The following TULP4 variants were observed in gnomAD, a reference collection of about 807,000 sequenced individuals.
The protein encoded by TULP4 is TUB like protein 4, also known as tubby-related protein 4.
TULP4 carries 16 observed loss-of-function variants against 129.0 expected under a neutral mutation model. That is an observed-to-expected ratio of 0.12 (90% CI 0.08 to 0.19). The LOEUF (loss-of-function observed/expected upper bound fraction) is 0.19, where lower values mean the gene tolerates loss of function less well. TULP4 is among the 10% of genes least tolerant of loss of function. TULP4 has a pLI of 1.00. For missense variants in TULP4, 1,842 were observed against 2,059.1 expected, an observed-to-expected ratio of 0.89 and a Z score of 2.04; for synonymous variants, 998 against 854.0, an observed-to-expected ratio of 1.17 and a Z score of -2.94.
intron 2 of TULP4, among the ~76,000 whole-genome samples, chr6:158,422,858 C>T (rs1778379916): frequency 6.6e-6 from 1 of 152,242 alleles, no homozygotes; most frequent in African/African-American, 2.4e-5. Context: ...ATGTTCCACA[C>T]ACGTGGGGAT....
intron 1 of TULP4, among the ~76,000 whole-genome samples, chr6:158,387,204 A>T (rs112963841): frequency 1.4e-4 from 21 of 152,192 alleles, no homozygotes; most frequent in African/African-American, 3.9e-4. Flanking sequence ...TCTCAATACA[A>T]GCTTCTTGTA....
At chr6:158,451,178 G>C (rs1239172640) in intron 4 of TULP4, among the ~76,000 whole-genome samples, 1 of 152,216 alleles carries the variant, frequency 6.6e-6, no homozygotes, top group Non-Finnish European at 1.5e-5. Flanking sequence ...TTCAGTCCCT[G>C]GTTGCTCCTC....
intron 12 of TULP4, among the ~76,000 whole-genome samples, chr6:158,500,050 T>C (rs1425539961): frequency 1.3e-5 from 2 of 152,170 alleles, no homozygotes; most frequent in African/African-American, 4.8e-5. Context: ...TTCAGAATCT[T>C]GGAATTAGAA....
chr6:158,251,221 A>C (rs1295194120), intron 1 of TULP4, among the ~76,000 whole-genome samples: 1 of 152,156 alleles, frequency 6.6e-6, no homozygotes, highest in African/African-American at 2.4e-5. Flanking sequence ...ATTTTATAGC[A>C]TGGGTTTATC....
chr6:158,422,455 ACT>A (rs1418883384), intron 2 of TULP4, among the ~76,000 whole-genome samples: 9 of 152,220 alleles, frequency 5.9e-5, no homozygotes, highest in Non-Finnish European at 1.0e-4. Context: ...ATAAAAATTA[ACT>A]CTAGATGAAT....
chr6:158,288,000 G>A (rs113509861), intron 1 of TULP4, among the ~76,000 whole-genome samples: 5,284 of 152,234 alleles, frequency 0.035, 138 homozygotes, highest in Middle Eastern at 0.082. Flanking sequence ...CTGAGGGGAG[G>A]TCATGTGGTC....
intron 3 of TULP4, among the ~76,000 whole-genome samples, chr6:158,440,176 C>T (rs997480703): frequency 7.9e-5 from 12 of 151,656 alleles, no homozygotes; most frequent in East Asian, 3.9e-4. Flanking sequence ...AAAAATTATC[C>T]GGGTGTGGGG....
At chr6:158,280,406 C>CT (rs1778728528), upstream of TULP4, among the ~76,000 whole-genome samples, 1 of 152,150 alleles carries the variant, frequency 6.6e-6, no homozygotes, top group African/African-American at 2.4e-5. Context: ...TACCAGGAAT[C>CT]TATTTTATTA....
At chr6:158,236,795 C>CTTTTTCTTTTTTTTTTTTTTTTTTTTT (rs1777713125) in intron 1 of TULP4, among the ~76,000 whole-genome samples, 1 of 63,292 alleles carries the variant, frequency 1.6e-5, no homozygotes, top group Non-Finnish European at 3.1e-5. Flanking sequence ...CAATTCTTTT[C>CTTTTTCTTTTTTTTTTTTTTTTTTTTT]TTTTTTTTTT....
At chr6:158,308,801 A>G (rs1230232286), upstream of TULP4, among the ~76,000 whole-genome samples, 2 of 137,182 alleles carry the variant, frequency 1.5e-5, no homozygotes, top group African/African-American at 2.8e-5. Context: ...CTGGCCGGGC[A>G]GAGGGGCTCC....
intron 2 of TULP4, among the ~76,000 whole-genome samples, chr6:158,420,842 T>C (rs756048085): frequency 5.9e-5 from 9 of 152,170 alleles, no homozygotes. Context: ...ATATGTTTAA[T>C]AGACATTTAT....
intron 1 of TULP4, among the ~76,000 whole-genome samples, chr6:158,329,805 T>C (rs1250785201): frequency 8.1e-6 from 1 of 123,616 alleles, no homozygotes; most frequent in Non-Finnish European, 1.7e-5. Flanking sequence ...TGTTTTCCTT[T>C]AATTGTGCTT....
At chr6:158,362,413 A>C (rs907541623) in intron 1 of TULP4, among the ~76,000 whole-genome samples, 7 of 151,920 alleles carry the variant, frequency 4.6e-5, no homozygotes, top group African/African-American at 1.5e-4. Flanking sequence ...GCAGTGATGC[A>C]GTCATAGTTC....
At chr6:158,256,840 G>T (rs1038509773) in intron 1 of TULP4, among the ~76,000 whole-genome samples, 3 of 152,136 alleles carry the variant, frequency 2.0e-5, no homozygotes, top group African/African-American at 7.2e-5. Context: ...GCTGATCAGT[G>T]GGTATCCAGG....
Position 158,503,598 on chromosome 6 carries a change from C to G in TULP4, c.3935C>G (p.Ala1312Gly). Residue 1312 changes from alanine to glycine, a missense_variant, in exon 13 of 14, where the codon GCA (alanine) becomes GGA (glycine). By Grantham distance (60) the Ala-to-Gly change is moderately conservative. Coordinates refer to ENST00000367097, the MANE Select transcript of TULP4 (RefSeq NM_020245.5). The surrounding 1 kb of genome is among the most constrained non-coding windows in gnomAD (Gnocchi z 4.3). Reference protein sequence around the residue: ...HLGTEVMVETADNFQEVLSLT... With the variant: ...HLGTEVMVETGDNFQEVLSLT... Reference sequence around the variant, plus strand: ...GGCACAGAGGTGATGGTAGAGACTGCAGACAACTTCCAGGAAGTCCTCTCC... The same window carrying G: ...GGCACAGAGGTGATGGTAGAGACTGGAGACAACTTCCAGGAAGTCCTCTCC... The G allele has an allele frequency of 6.2e-7, 1 of 1,614,058 alleles. No individual in the cohort carries two copies. Among genetic ancestry groups the G allele is most frequent in the Non-Finnish European group, 8.5e-7 (1 of 1,180,042 alleles).
intron 1 of TULP4, among the ~76,000 whole-genome samples, chr6:158,301,342 G>A (rs1467498747): frequency 6.6e-6 from 1 of 151,890 alleles, no homozygotes; most frequent in Non-Finnish European, 1.5e-5. Context: ...GGAATGGGCT[G>A]ATCTTTGGTC....
chr6:158,463,669 A>ATATATATATAT (rs1562577342), intron 6 of TULP4, among the ~76,000 whole-genome samples: 19 of 140,568 alleles, frequency 1.4e-4, no homozygotes, highest in African/African-American at 4.4e-4. Flanking sequence ...TATATATATA[A>ATATATATATAT]AAAGAAAAAA....
At chr6:158,329,464 T>G (rs201937676) in intron 1 of TULP4, among the ~76,000 whole-genome samples, 2 of 17,596 alleles carry the variant, frequency 1.1e-4, no homozygotes, top group Non-Finnish European at 3.1e-4. Flanking sequence ...AACCTTAACA[T>G]TAAAAAAAAA....
chr6:158,387,458 A>G (rs767921529), intron 1 of TULP4, among the ~76,000 whole-genome samples: 1 of 152,254 alleles, frequency 6.6e-6, no homozygotes, highest in Non-Finnish European at 1.5e-5. Flanking sequence ...TCATTTTAAA[A>G]TAATGCATAA....
Sources: allele counts gnomAD v4.1 joint callset (sites outside exome capture counted in the v4.1 genomes callset), GRCh38; gene constraint gnomAD v4.1.1; non-coding constraint Gnocchi (gnomAD v3.1); transcripts MANE v1.5; gene names NCBI Gene and HGNC (gene_info 2026-07-23, HGNC 2026-07-21).